The following CCT3 variants were observed in gnomAD, a reference collection of about 807,000 sequenced individuals.
CCT3 encodes the protein chaperonin containing TCP1 subunit 3.
CCT3 carries 10 observed loss-of-function variants against 65.3 expected under a neutral mutation model. The observed-to-expected ratio is 0.15, with a 90% CI of 0.09 to 0.26. The LOEUF is 0.26. CCT3 is among the 10% of genes least tolerant of loss of function. CCT3 has a pLI of 1.00. For missense variants in CCT3, 626 were observed against 708.7 expected, an observed-to-expected ratio of 0.88 and a Z score of 1.33; for synonymous variants, 225 against 242.3, an observed-to-expected ratio of 0.93 and a Z score of 0.66.
chr1:156,310,166 G>A (rs1489713482), intron 13 of CCT3, among the ~76,000 whole-genome samples: 3 of 151,816 alleles, frequency 2.0e-5, no homozygotes, highest in African/African-American at 7.2e-5. Context: ...GAATACCTTA[G>A]AGGAATATTC....
chr1:156,310,804 A>G lies in CCT3; in HGVS notation c.1402-115T>C, dbSNP rs939630868. 4.8e-6 allele frequency: 7 copies of G among 1,449,106 alleles called. No individual in the cohort carries two copies. In the South Asian group the frequency reaches 8.9e-5, roughly 18 times the overall value. The allele number at this position is 1,449,106 out of a possible 1,614,324, so 89.8% of individuals were successfully genotyped here. On this transcript the variant is annotated intron_variant, in intron 12 of 13. Coordinates refer to ENST00000295688, the MANE Select transcript of CCT3 (RefSeq NM_005998.5). ...AGGGACAGGGAAAAATGGCAATGAC[A>G]GCAAACAAGTCAAAGACTAAAAGGA...
chr1:156,338,206 G>A lies in CCT3; in HGVS notation c.-22C>T. 1.3e-6 allele frequency: 2 copies of A among 1,582,996 alleles called. No individual in the cohort carries two copies. The highest frequency in any genetic ancestry group is 1.9e-5 in the Admixed American group (1 of 52,862). ...TCATGGCGACGCGATGCAGAGCCGG[G>A]TACCCAGAGCTGGGGGAACCGGCAG... On this transcript the variant is annotated 5_prime_UTR_variant, in exon 1 of 14. Coordinates refer to ENST00000295688, the MANE Select transcript of CCT3 (RefSeq NM_005998.5).
chr1:156,327,918 G>A (rs1213307067), intron 5 of CCT3, among the ~76,000 whole-genome samples: 8 of 89,996 alleles, frequency 8.9e-5, no homozygotes, highest in African/African-American at 2.4e-4. Flanking sequence ...TGGGATGTGA[G>A]GAGCGCCTCT....
In CCT3 at chr1:156,310,852, CTATAAAGAGAATTTGGATAG is replaced by C. The variant is rs1471273435; in HGVS notation, c.1401+78_1401+97del. The stretch of plus-strand genomic sequence containing the variant: ...GGAGAGAAAGATTTCAAGGAATAGA[CTATAAAGAGAATTTGGATAG>C]CCAGATAAGAATCTTCCCCTCAGGG... On this transcript the variant is annotated intron_variant, in intron 12 of 13. Transcript: ENST00000295688. 12 of 1,495,384 alleles carry C rather than the reference CTATAAAGAGAATTTGGATAG, an allele frequency of 8.0e-6. No individual in the cohort carries two copies. In the African/African-American group the frequency reaches 1.7e-4, roughly 21 times the overall value. 92.6% of individuals were successfully genotyped at this position (1,495,384 alleles called of 1,614,324 possible). A position where few individuals can be genotyped will look rare whatever the true frequency, so the allele number is the denominator to read the frequency against.
chr1:156,333,291 CAAAAA>C (rs35038881), intron 5 of CCT3: 195 of 238,066 alleles, frequency 8.2e-4, no homozygotes, highest in Middle Eastern at 2.9e-3. Flanking sequence ...GACTCTGTCT[CAAAAA>C]AAAAAAAAAA....
chr1:156,327,715 C>T (rs1467093748), intron 5 of CCT3, among the ~76,000 whole-genome samples: 2 of 151,744 alleles, frequency 1.3e-5, no homozygotes, highest in African/African-American at 2.4e-5. Context: ...GCCACCCCGT[C>T]TGGGAAGTGA....
At chr1:156,317,088 A>C (rs1302317598) in intron 10 of CCT3, 78 bp downstream of exon 10, 1 of 1,230,196 alleles carries the variant, frequency 8.1e-7, no homozygotes, top group Admixed American at 1.7e-5. Context: ...AAACCTTTTC[A>C]GGTAATGATG....
chr1:156,333,947 G>A (rs937881421), intron 4 of CCT3, among the ~76,000 whole-genome samples: 23 of 152,132 alleles, frequency 1.5e-4, no homozygotes, highest in Admixed American at 1.3e-4. Flanking sequence ...AGTAAGATAC[G>A]TTGAAGCCAG....
chr1:156,309,252 T>C lies in CCT3; in HGVS notation c.1585A>G (p.Lys529Glu). ...CCTTGCCGGCTCTGGTCATCGCCTT[T>C]CTTTTTGTGGCCTGAAACGATGTCA... Reference protein sequence around the residue: ...IDDIVSGHKKKGDDQSRQGGA... With the variant: ...IDDIVSGHKKEGDDQSRQGGA... The change falls in exon 14 of 14, where the codon AAA (lysine) becomes GAA (glutamate). Residue 529 changes from lysine to glutamate, a missense_variant. By Grantham distance (56) the Lys-to-Glu change is moderately conservative. Coordinates refer to ENST00000295688, the MANE Select transcript of CCT3 (RefSeq NM_005998.5). The C allele has an allele frequency of 6.2e-7, 1 of 1,614,124 alleles. No homozygotes were observed. Among genetic ancestry groups the C allele is most frequent in the Non-Finnish European group, 8.5e-7 (1 of 1,179,980 alleles).
At chr1:156,328,199 G>T (rs1208816794) in intron 5 of CCT3, among the ~76,000 whole-genome samples, 5 of 81,022 alleles carry the variant, frequency 6.2e-5, no homozygotes, top group Non-Finnish European at 5.6e-5. Flanking sequence ...GGAGGGAGGT[G>T]GGGGGGGTCA....
rs1255641128 is a variant in CCT3, at chr1:156,325,072, C to T, written c.322G>A (p.Val108Ile). The T allele has an allele frequency of 2.5e-6, 4 of 1,611,904 alleles. No individual in the cohort carries two copies. Among genetic ancestry groups the T allele is most frequent in the Non-Finnish European group, 2.5e-6 (3 of 1,178,978 alleles). ...VIILAGEMLS[V>I]AEHFLEQQMH... ...TGCTGCTCCAGGAAGTGCTCAGCTA[C>T]AGACAGCATTTCCCCTGCTGAAAAA... is the stretch of plus-strand genomic sequence containing the variant. Residue 108 changes from valine to isoleucine, a missense_variant, in exon 6 of 14, where the codon GTA becomes ATA. Val to Ile is a conservative substitution (Grantham distance 29). Transcript: ENST00000295688.
At chr1:156,337,877 G>C (rs1665508994) in intron 1 of CCT3, 1 of 515,022 alleles carries the variant, frequency 1.9e-6, no homozygotes, top group Non-Finnish European at 3.5e-6. Context: ...GGAAGCGTGG[G>C]GGCTGAGGGA....
At chr1:156,315,753 TC>T (rs1460789836) in intron 10 of CCT3, among the ~76,000 whole-genome samples, 1 of 152,134 alleles carries the variant, frequency 6.6e-6, no homozygotes, top group African/African-American at 2.4e-5. Context: ...CAACTAGTCA[TC>T]ACTACTATAA....
At chr1:156,310,524 T>TA in intron 13 of CCT3, 34 bp downstream of exon 13, 1 of 1,477,046 alleles carries the variant, frequency 6.8e-7, no homozygotes, top group Non-Finnish European at 9.1e-7. Flanking sequence ...ATAAATTAAT[T>TA]AAAACAGCGT....
Position 156,309,128 on chromosome 1 carries a change from T to G in CCT3, c.*71A>C. The G allele has an allele frequency of 9.7e-7, 1 of 1,028,200 alleles. No homozygotes were observed. The highest frequency in any genetic ancestry group is 1.5e-6 in the Non-Finnish European group (1 of 649,538). The allele number at this position is 1,028,200 out of a possible 1,614,324, so 63.7% of individuals were successfully genotyped here. A position where few individuals can be genotyped will look rare whatever the true frequency, so the allele number is the denominator to read the frequency against. ...TTCTGAACAAAGACGTCCACAGTGT[T>G]CCTGGCACTCTGGCTCAGGAAAAGG... is the stretch of plus-strand genomic sequence containing the variant. On this transcript the variant is annotated 3_prime_UTR_variant, in exon 14 of 14. Transcript: ENST00000295688.
At chr1:156,334,257 A>AT (rs1665234798) in intron 4 of CCT3, among the ~76,000 whole-genome samples, 1 of 148,358 alleles carries the variant, frequency 6.7e-6, no homozygotes. Context: ...AAAAAAAAAA[A>AT]GATATGTTGA....
chr1:156,335,105 A>G lies in CCT3; in HGVS notation c.94-187T>C, dbSNP rs138652308. On this transcript the variant is annotated intron_variant, in intron 2 of 13. Coordinates refer to ENST00000295688, the MANE Select transcript of CCT3 (RefSeq NM_005998.5). Reference sequence around the variant, plus strand: ...GGGCTGGTCTCAAACCCCTGGGCCCAAGTGATCCACCTGCCTCAGCCTCCC... The same window carrying G: ...GGGCTGGTCTCAAACCCCTGGGCCCGAGTGATCCACCTGCCTCAGCCTCCC... 1.2e-3 allele frequency: 640 copies of G among 552,880 alleles called. 5 individuals are homozygous for G. The East Asian group carries it at 0.018, about 16-fold the overall frequency. The allele number at this position is 552,880 out of a possible 1,614,324, so 34.2% of individuals were successfully genotyped here.
intron 7 of CCT3, among the ~76,000 whole-genome samples, chr1:156,320,221 A>G (rs1022570418): frequency 6.6e-6 from 1 of 152,136 alleles, no homozygotes; most frequent in Non-Finnish European, 1.5e-5. Context: ...CCTGGCTAAC[A>G]TGGTGAAACC....
intron 1 of CCT3, 128 bp downstream of exon 1, chr1:156,338,026 C>G: frequency 9.4e-7 from 1 of 1,067,638 alleles, no homozygotes; most frequent in Non-Finnish European, 1.4e-6. Context: ...ACTGGGCTTC[C>G]AAAATGAAGA....
Sources: gnomAD v4.1 joint callset for allele counts (sites outside exome capture counted in the v4.1 genomes callset) on GRCh38, gnomAD v4.1.1 for gene constraint, MANE v1.5 for transcripts, NCBI Gene and HGNC (gene_info 2026-07-23, HGNC 2026-07-21) for gene names.